Variants in PHLPP2 observed in about 807,000 individuals in gnomAD.
PHLPP2 encodes the protein PH domain and leucine rich repeat protein phosphatase 2.
In PHLPP2, 66 loss-of-function variants were observed where a neutral mutation model predicts 124.9. The observed-to-expected ratio is 0.53, with a 90% CI of 0.43 to 0.65. The LOEUF (loss-of-function observed/expected upper bound fraction) is 0.65, where lower values mean the gene tolerates loss of function less well. Among genes scored for constraint, PHLPP2 ranks in the 30% least tolerant of loss-of-function variants. The pLI, the probability that PHLPP2 is intolerant of heterozygous loss-of-function variation, is 0.00. For synonymous variants in PHLPP2, 681 were observed against 624.7 expected (o/e 1.09, Z -1.34); for missense variants, 1,685 against 1,600.4 (o/e 1.05, Z -0.90).
chr16:71,653,074 T>A, intron 17 of PHLPP2, 53 bp from the exon 18 acceptor site: 1 of 1,131,114 alleles, frequency 8.8e-7, no homozygotes, highest in Non-Finnish European at 1.3e-6. Context: ...TAGAAGAAAG[T>A]GGTGGTCCTG....
In PHLPP2 at chr16:71,648,289, G is replaced by T. The variant is rs2044667318; in HGVS notation, c.*601C>A. 1 of 154,920 alleles carries T rather than the reference G, an allele frequency of 6.5e-6. No individual in the cohort carries two copies. The highest frequency in any genetic ancestry group is 2.4e-5 in the African/African-American group (1 of 41,528). The allele number at this position is 154,920 out of a possible 1,614,324, so 9.6% of individuals were successfully genotyped here. ...TCTCAAAATGATCCTAGGAGAGAAA[G>T]GGTTAATGGCAGGTGGTAGGACTGA... On this transcript the variant is annotated 3_prime_UTR_variant, in exon 19 of 19. Coordinates refer to ENST00000568954, the MANE Select transcript of PHLPP2 (RefSeq NM_015020.3).
In PHLPP2 at chr16:71,649,527, G is replaced by A. The variant is rs780819572; in HGVS notation, c.3335C>T (p.Pro1112Leu). The A allele has an allele frequency of 7.6e-5, 122 of 1,614,050 alleles. 2 individuals carry two copies. The highest frequency in any genetic ancestry group is 6.6e-4 in the South Asian group (60 of 91,088). The change falls in exon 19 of 19, where the codon CCG becomes CTG. Residue 1112 changes from proline (P) to leucine (L), a missense_variant. Coordinates refer to ENST00000568954, the MANE Select transcript of PHLPP2 (RefSeq NM_015020.3). ...NAGGLDTALL[P>L]RPERRCSLHP... ...GAGGCTGCAGCGCCGCTCTGGCCTC[G>A]GAAGCAAGGCAGTGTCCAGGCCCCC...
At chr16:71,679,308 C>A in intron 7 of PHLPP2, 81 bp downstream of exon 7, 1 of 1,277,312 alleles carries the variant, frequency 7.8e-7, no homozygotes, top group African/African-American at 1.5e-5. Flanking sequence ...TGCAAGAGTT[C>A]AAGATACTAC....
intron 3 of PHLPP2, among the ~76,000 whole-genome samples, chr16:71,698,137 G>A (rs1341622994): frequency 1.3e-5 from 2 of 152,090 alleles, no homozygotes; most frequent in Admixed American, 6.5e-5. Flanking sequence ...GTGAGCCACC[G>A]CGCCCGGCCC....
intron 6 of PHLPP2, among the ~76,000 whole-genome samples, chr16:71,679,935 T>G (rs2044981706): frequency 1.3e-5 from 2 of 151,980 alleles, no homozygotes; most frequent in African/African-American, 4.8e-5. Context: ...CAGAAAAAAT[T>G]AGCCGGGCGT....
intron 1 of PHLPP2, among the ~76,000 whole-genome samples, chr16:71,722,056 ACT>A (rs2045401675): frequency 6.6e-6 from 1 of 152,074 alleles, no homozygotes; most frequent in African/African-American, 2.4e-5. Flanking sequence ...GTGGGAGATG[ACT>A]CTTCCCAATT....
chr16:71,649,095 T>C lies in PHLPP2; in HGVS notation c.3767A>G (p.Glu1256Gly), dbSNP rs770318262. The change falls in exon 19 of 19, where the codon GAA becomes GGA. Residue 1256 changes from glutamate to glycine, a missense_variant. Transcript: ENST00000568954. Reference protein sequence around the residue: ...VPLEDSLNLIEVATEVPKRKT... With the variant: ...VPLEDSLNLIGVATEVPKRKT... The stretch of plus-strand genomic sequence containing the variant: ...CCTCTTGGGCACTTCTGTGGCCACT[T>C]CAATGAGGTTCAGGCTGTCCTCTAG... 1 of 1,614,100 alleles carries C rather than the reference T, an allele frequency of 6.2e-7. No individual in the cohort carries two copies. Among genetic ancestry groups the C allele is most frequent in the Non-Finnish European group, 8.5e-7 (1 of 1,179,966 alleles).
chr16:71,704,523 G>A, intron 2 of PHLPP2, among the ~76,000 whole-genome samples: 1 of 151,858 alleles, frequency 6.6e-6, no homozygotes. Context: ...TCATACTGAT[G>A]TACAAAAAAG....
intron 13 of PHLPP2, among the ~76,000 whole-genome samples, chr16:71,662,084 A>C (rs2044796876): frequency 2.0e-5 from 3 of 151,862 alleles, no homozygotes; most frequent in Admixed American, 2.0e-4. Context: ...GGCCTGCCAA[A>C]GTGCTGGGAT....
At chr16:71,656,180 T>C (rs934856979) in intron 16 of PHLPP2, among the ~76,000 whole-genome samples, 2 of 152,134 alleles carry the variant, frequency 1.3e-5, no homozygotes, top group African/African-American at 4.8e-5. Flanking sequence ...GTTTGGACTT[T>C]GGTTTGGTCA....
At chr16:71,679,130 T>A in intron 7 of PHLPP2, 145 bp from the exon 8 acceptor site, 1 of 628,820 alleles carries the variant, frequency 1.6e-6, no homozygotes, top group Non-Finnish European at 2.8e-6. Flanking sequence ...CTATGCAGAC[T>A]TAATAGATGA....
intron 4 of PHLPP2, among the ~76,000 whole-genome samples, chr16:71,688,533 T>C (rs944996328): frequency 6.6e-6 from 1 of 152,180 alleles, no homozygotes; most frequent in African/African-American, 2.4e-5. Context: ...TTTATTTCCA[T>C]TTCAATCTGA....
chr16:71,703,685 C>G (rs2045251924), intron 2 of PHLPP2, among the ~76,000 whole-genome samples: 1 of 152,218 alleles, frequency 6.6e-6, no homozygotes, highest in African/African-American at 2.4e-5. Context: ...CACTTACCAA[C>G]TGCATGCCCC....
intron 4 of PHLPP2, among the ~76,000 whole-genome samples, chr16:71,686,213 C>A (rs2045053787): frequency 6.6e-6 from 1 of 152,190 alleles, no homozygotes; most frequent in Non-Finnish European, 1.5e-5. Context: ...CCACTCTTCA[C>A]CCAGGCTGGA....
At chr16:71,671,002 G>A (rs1383107457) in intron 10 of PHLPP2, among the ~76,000 whole-genome samples, 1 of 152,174 alleles carries the variant, frequency 6.6e-6, no homozygotes, top group Non-Finnish European at 1.5e-5. Flanking sequence ...GAGGGAGGTA[G>A]ATGCTGAGGA....
At position 71,678,895 on chromosome 16, in the gene PHLPP2, G is replaced by A. The variant is rs1409815494; in HGVS notation, c.1128C>T (p.Ser376=). ...CAGGAATTTGACTAAAGTTGTTGAAGGAAATTCCCAAGGAGGAAAGCTGTT... is the reference window on the plus strand; with the variant it reads ...CAGGAATTTGACTAAAGTTGTTGAAAGAAATTCCCAAGGAGGAAAGCTGTT... ...NLQQLSSLGI[S]FNNFSQIPEV... is the part of the protein sequence containing the mutation. Residue 376 remains serine, a synonymous_variant, in exon 8 of 19, where the codon TCC becomes TCT. Transcript: ENST00000568954. 1.2e-6 allele frequency: 2 copies of A among 1,612,200 alleles called. No individual in the cohort carries two copies. Among genetic ancestry groups the A allele is most frequent in the Middle Eastern group, 1.6e-4 (1 of 6,078 alleles).
intron 3 of PHLPP2, among the ~76,000 whole-genome samples, chr16:71,691,468 TAAATAAA>T (rs1262682066): frequency 1.1e-4 from 2 of 18,966 alleles, no homozygotes; most frequent in Non-Finnish European, 1.8e-4. Context: ...CTCAAATAAA[TAAATAAA>T]TAAATAAATA....
intron 6 of PHLPP2, 108 bp downstream of exon 6, chr16:71,681,643 G>A (rs998352755): frequency 1.2e-6 from 1 of 827,012 alleles, no homozygotes; most frequent in African/African-American, 1.8e-5. Flanking sequence ...TCTTCAAAAG[G>A]GAGGGGAAAT....
chr16:71,677,946 C>T (rs1336436383), intron 8 of PHLPP2: 1 of 152,068 alleles, frequency 6.6e-6, no homozygotes, highest in East Asian at 1.9e-4. Context: ...CAATGAAATA[C>T]TTTTTTCAAC....
Sources: allele counts gnomAD v4.1 joint callset (sites outside exome capture counted in the v4.1 genomes callset), GRCh38; gene constraint gnomAD v4.1.1; transcripts MANE v1.5; gene names NCBI Gene and HGNC (gene_info 2026-07-23, HGNC 2026-07-21).